SEMA6D: variants seen among roughly 807,000 people sequenced by gnomAD.
SEMA6D encodes the protein semaphorin 6D, also known as semaphorin-6D.
A neutral mutation model predicts 106.6 loss-of-function variants in SEMA6D; 35 were observed. The ratio of observed to expected loss-of-function variants is 0.33; its 90% CI spans 0.25 to 0.44. The LOEUF (loss-of-function observed/expected upper bound fraction) is 0.44, where lower values mean the gene tolerates loss of function less well. Ranked by LOEUF, SEMA6D falls within the 20% of genes least tolerant of loss-of-function variation. The pLI is 1.00. For synonymous variants in SEMA6D, 499 were observed against 487.7 expected, an observed-to-expected ratio of 1.02 and a Z score of -0.31; for missense variants, 1,185 against 1,345.9, an observed-to-expected ratio of 0.88 and a Z score of 1.87.
intron 3 of SEMA6D, among the ~76,000 whole-genome samples, chr15:47,571,399 A>G (rs1393806303): frequency 6.6e-6 from 1 of 152,236 alleles, no homozygotes; most frequent in Non-Finnish European, 1.5e-5. Flanking sequence ...AATGCCAATT[A>G]CAGATGCTCT....
intron 1 of SEMA6D, among the ~76,000 whole-genome samples, chr15:47,246,550 A>G (rs148997989): frequency 6.6e-6 from 1 of 152,298 alleles, no homozygotes; most frequent in African/African-American, 2.4e-5. Context: ...CAGCTTCCGG[A>G]AACTACTTAC....
chr15:47,444,468 A>C (rs968914960), intron 2 of SEMA6D, among the ~76,000 whole-genome samples: 1 of 144,522 alleles, frequency 6.9e-6, no homozygotes, highest in African/African-American at 2.4e-5. Flanking sequence ...TAAGATTTCA[A>C]GGATGAAGGC....
chr15:47,508,946 T>G (rs939137883), intron 3 of SEMA6D, among the ~76,000 whole-genome samples: 18 of 150,182 alleles, frequency 1.2e-4, no homozygotes, highest in South Asian at 2.1e-4. Context: ...TTTCTGCTGG[T>G]TTTTTTTTGC....
chr15:47,393,342 C>G (rs1335952413), intron 1 of SEMA6D: 1 of 152,186 alleles, frequency 6.6e-6, no homozygotes, highest in Non-Finnish European at 1.5e-5. Flanking sequence ...TGATGGGAAA[C>G]CAAATATGCC....
intron 1 of SEMA6D, among the ~76,000 whole-genome samples, chr15:47,406,976 C>G (rs143125970): frequency 5.3e-5 from 8 of 151,982 alleles, no homozygotes; most frequent in African/African-American, 1.9e-4. Context: ...ACAACAACAA[C>G]AAAAACAGAA....
chr15:47,580,156 A>G (rs1177964510), intron 3 of SEMA6D, among the ~76,000 whole-genome samples: 1 of 152,198 alleles, frequency 6.6e-6, no homozygotes, highest in Non-Finnish European at 1.5e-5. Flanking sequence ...TTTAGGTCTG[A>G]GACACACTTA....
At chr15:47,663,178 T>A (rs2077961476) in intron 4 of SEMA6D, among the ~76,000 whole-genome samples, 1 of 152,126 alleles carries the variant, frequency 6.6e-6, no homozygotes, top group African/African-American at 2.4e-5. Context: ...AAACATCAAC[T>A]CCCTTAATTC....
At chr15:47,417,551 G>A (rs2140360961) in intron 2 of SEMA6D, among the ~76,000 whole-genome samples, 1 of 104,904 alleles carries the variant, frequency 9.5e-6, no homozygotes, top group African/African-American at 3.6e-5. Context: ...TATTGTTTAA[G>A]GAGTGACAAT....
chr15:47,493,731 G>A (rs1230763646), intron 3 of SEMA6D, among the ~76,000 whole-genome samples: 1 of 151,982 alleles, frequency 6.6e-6, no homozygotes, highest in Non-Finnish European at 1.5e-5. Flanking sequence ...CTTGTATAGA[G>A]GTGAGGAAAC....
At chr15:47,434,285 G>A (rs562743969) in intron 2 of SEMA6D, among the ~76,000 whole-genome samples, 2 of 152,200 alleles carry the variant, frequency 1.3e-5, no homozygotes, top group African/African-American at 4.8e-5. Flanking sequence ...TGAGCAGGAA[G>A]GAAGCAGTTT....
chr15:47,686,427 A>G, intron 4 of SEMA6D, among the ~76,000 whole-genome samples: 1 of 152,242 alleles, frequency 6.6e-6, no homozygotes, highest in East Asian at 1.9e-4. Flanking sequence ...TTCAAAGGAA[A>G]AATATATATG....
chr15:47,772,489 C>T lies in SEMA6D; in HGVS notation c.*704C>T, dbSNP rs1255229375. On this transcript the variant is annotated 3_prime_UTR_variant, in exon 19 of 19. Coordinates refer to ENST00000536845, the MANE Select transcript of SEMA6D (RefSeq NM_001358351.3). ...GACCGAACGAGAGACAATACTATTT[C>T]CCACAGGAGTCCATTGGGTTCAGCT... The T allele has an allele frequency of 2.0e-5, 3 of 152,256 alleles. No individual in the cohort carries two copies. The highest frequency in any genetic ancestry group is 4.8e-5 in the African/African-American group (2 of 41,390). The allele number at this position is 152,256 out of a possible 1,614,324, so 9.4% of individuals were successfully genotyped here. A position where few individuals can be genotyped will look rare whatever the true frequency, so the allele number is the denominator to read the frequency against.
intron 1 of SEMA6D, among the ~76,000 whole-genome samples, chr15:47,744,567 G>T (rs180742588): frequency 8.5e-4 from 130 of 152,098 alleles, no homozygotes; most frequent in African/African-American, 3.1e-3. Context: ...ACATGGTTGT[G>T]GGGGGGAAAA....
At chr15:47,457,546 C>G (rs1010142198) in intron 2 of SEMA6D, among the ~76,000 whole-genome samples, 1 of 151,810 alleles carries the variant, frequency 6.6e-6, no homozygotes, top group African/African-American at 2.4e-5. Context: ...TAAAATATAA[C>G]TGCCCAAGAT....
At chr15:47,517,834 A>G (rs1596218042) in intron 3 of SEMA6D, among the ~76,000 whole-genome samples, 1 of 152,196 alleles carries the variant, frequency 6.6e-6, no homozygotes, top group South Asian at 2.1e-4. Flanking sequence ...TTTAACCAGC[A>G]TTAACAAATT....
intron 4 of SEMA6D, among the ~76,000 whole-genome samples, chr15:47,630,711 G>T (rs955303568): frequency 1.3e-5 from 2 of 151,752 alleles, no homozygotes; most frequent in Non-Finnish European, 3.0e-5. Context: ...TCATTATTAC[G>T]TATGATATTA....
At chr15:47,611,998 A>T (rs2076915765) in intron 4 of SEMA6D, among the ~76,000 whole-genome samples, 1 of 152,158 alleles carries the variant, frequency 6.6e-6, no homozygotes, top group Admixed American at 6.5e-5. Flanking sequence ...ATGAATGAGA[A>T]CAGAAAGGAG....
rs377544357 is a variant in SEMA6D at position 47,763,005 on chromosome 15, T to G, written c.659-11T>G. ...CTTTAGGAACCAGTTTGTTTTTAAT[T>G]TTTCTTTCAGAGCCACACTTTCTTC... On this transcript the variant is annotated splice_polypyrimidine_tract_variant and intron_variant, in intron 8 of 18. Coordinates refer to ENST00000536845, the MANE Select transcript of SEMA6D (RefSeq NM_001358351.3). 8 of 1,603,294 alleles carry G rather than the reference T, an allele frequency of 5.0e-6. No individual in the cohort carries two copies. The African/African-American group carries it at 1.1e-4, about 22-fold the overall frequency.
intron 3 of SEMA6D, among the ~76,000 whole-genome samples, chr15:47,531,359 T>G (rs1452076364): frequency 1.3e-5 from 2 of 152,224 alleles, no homozygotes; most frequent in African/African-American, 4.8e-5. Context: ...TCTGCCCTTT[T>G]GCCTCCATAT....
Sources: gnomAD v4.1 joint callset for allele counts (sites outside exome capture counted in the v4.1 genomes callset) on GRCh38, gnomAD v4.1.1 for gene constraint, MANE v1.5 for transcripts, NCBI Gene and HGNC (gene_info 2026-07-23, HGNC 2026-07-21) for gene names.